Variants in MINK1 observed in about 807,000 individuals in gnomAD.
MINK1 encodes misshapen-like kinase 1.
MINK1 carries 46 observed loss-of-function variants against 178.4 expected under a neutral mutation model. The observed-to-expected ratio is 0.26, with a 90% confidence interval of 0.20 to 0.33. The LOEUF is 0.33. Among genes scored for constraint, MINK1 ranks in the 10% least tolerant of loss-of-function variants. The pLI, the probability that MINK1 is intolerant of heterozygous loss-of-function variation, is 1.00. For synonymous variants in MINK1, 797 were observed against 709.7 expected (o/e 1.12, Z -1.96); for missense variants, 1,366 against 1,814.9 (o/e 0.75, Z 4.49).
chr17:4,846,978 T>G (rs941434114), intron 1 of MINK1, among the ~76,000 whole-genome samples: 2 of 152,198 alleles, frequency 1.3e-5, no homozygotes, highest in Non-Finnish European at 2.9e-5. Flanking sequence ...TTGGTCAGTG[T>G]GGAGTCCAAA....
intron 1 of MINK1, among the ~76,000 whole-genome samples, chr17:4,877,017 G>C (rs1028978388): frequency 2.6e-5 from 4 of 151,904 alleles, no homozygotes; most frequent in Non-Finnish European, 5.9e-5. Flanking sequence ...GAGCCCAGGA[G>C]ACTGAGGCTG....
intron 1 of MINK1, chr17:4,868,932 T>G (rs1035754775): frequency 9.9e-6 from 2 of 201,526 alleles, no homozygotes; most frequent in Admixed American, 1.2e-4. Flanking sequence ...TATTTATTTA[T>G]TTATTTTTTG....
intron 1 of MINK1, among the ~76,000 whole-genome samples, chr17:4,845,847 G>A (rs956532067): frequency 6.6e-6 from 1 of 152,152 alleles, no homozygotes; most frequent in East Asian, 1.9e-4. Flanking sequence ...TTACTGTGGT[G>A]GCCAGGCTGG....
Position 4,886,122 on chromosome 17 carries a change from C to G in MINK1, c.697C>G (p.Leu233Val). 2 of 1,613,942 alleles carry G rather than the reference C, an allele frequency of 1.2e-6. No homozygotes were observed. The highest frequency in any genetic ancestry group is 1.1e-5 in the South Asian group (1 of 91,084). The change falls in exon 9 of 32, where the codon CTG becomes GTG. Residue 233 changes from leucine to valine, a missense_variant and splice_region_variant. Coordinates refer to ENST00000355280, the MANE Select transcript of MINK1 (RefSeq NM_153827.5). This position sits in a 1 kb window ranked among gnomAD's most constrained non-coding sequence, Gnocchi z 6.1. ...GAGGGTGTCTCCTCTGTGTCCAGCT[C>G]TGTGTGACATGCACCCCATGCGAGC... ...AIEMAEGAPP[L>V]CDMHPMRALF...
intron 2 of MINK1, among the ~76,000 whole-genome samples, chr17:4,880,044 C>T (rs1967550930): frequency 6.6e-6 from 1 of 152,156 alleles, no homozygotes; most frequent in Non-Finnish European, 1.5e-5. Context: ...ATCTTTCACG[C>T]CCTGCTCTAA....
rs937505456 is a variant in MINK1, at chr17:4,890,453, C to T, written c.1348-64C>T. The T allele has an allele frequency of 7.9e-6, 12 of 1,527,270 alleles. No homozygotes were observed. In the African/African-American group the frequency reaches 1.7e-4, roughly 21 times the overall value. 94.6% of individuals were successfully genotyped at this position (1,527,270 alleles called of 1,614,324 possible). A position where few individuals can be genotyped will look rare whatever the true frequency, so the allele number is the denominator to read the frequency against. ...CTAGGCAGTTGGAGAAAAGAGAGGG[C>T]ATGCCTGCTCTAACTCCCAGGGCCA... On this transcript the variant is annotated intron_variant, in intron 13 of 31. Transcript: ENST00000355280.
In MINK1 at chr17:4,891,507, C is replaced by T. The variant is rs200245118; in HGVS notation, c.1792C>T (p.Arg598Ter). ...GAAGCCATATGCAGCACCTGTACCC[C>T]GATCCCAGTCCCTGCAGGACCAGCC... ...PLKPYAAPVP[R>*]SQSLQDQPTR... Residue 598 changes from arginine (R) to a stop codon, truncating the protein, a stop_gained, in exon 16 of 32, where the codon CGA (arginine) becomes TGA (stop). Coordinates refer to ENST00000355280, the MANE Select transcript of MINK1 (RefSeq NM_153827.5). LOFTEE classifies it high-confidence loss of function. The T allele has an allele frequency of 2.5e-6, 4 of 1,611,188 alleles. No homozygotes were observed. Among genetic ancestry groups the T allele is most frequent in the East Asian group, 2.2e-5 (1 of 44,832 alleles).
In MINK1 at chr17:4,894,002, C is replaced by A; in HGVS notation, c.2579C>A (p.Thr860Lys). 1 of 1,585,684 alleles carries A rather than the reference C, an allele frequency of 6.3e-7. No individual in the cohort carries two copies. The highest frequency in any genetic ancestry group is 8.6e-7 in the Non-Finnish European group (1 of 1,166,082). Residue 860 changes from threonine (T) to lysine (K), a missense_variant, in exon 22 of 32, where the codon ACA (threonine) becomes AAA (lysine). By Grantham distance (78) the Thr-to-Lys change is moderately conservative. This residue lies in a region of MINK1 where 709 missense variants were observed against 692.3 expected (regional missense o/e 1.02). Coordinates refer to ENST00000355280, the MANE Select transcript of MINK1 (RefSeq NM_153827.5). This position sits in a 1 kb window ranked among gnomAD's most constrained non-coding sequence, Gnocchi z 4.1. ...CTCTCTCACAGCAGCGATGGGGATA[C>A]AGACAGCGTCAGCACCATGGTGGTC... ...DTPGGRSDGD[T>K]DSVSTMVVHD... is the part of the protein sequence containing the mutation.
In MINK1 at chr17:4,894,927, C is replaced by G. The variant is rs1597586763; in HGVS notation, c.2918-148C>G. 2.3e-6 allele frequency: 2 copies of G among 860,074 alleles called. No individual in the cohort carries two copies. The highest frequency in any genetic ancestry group is 1.7e-5 in the South Asian group (1 of 58,880). The allele number at this position is 860,074 out of a possible 1,614,324, so 53.3% of individuals were successfully genotyped here. The stretch of plus-strand genomic sequence containing the variant: ...TTGACTCCAAGTCCAGCACTCTATC[C>G]CCCTCTCCCATGCACCTCCTCTCCT... On this transcript the variant is annotated intron_variant, in intron 24 of 31. Coordinates refer to ENST00000355280, the MANE Select transcript of MINK1 (RefSeq NM_153827.5). The surrounding 1 kb of genome is among the most constrained non-coding windows in gnomAD (Gnocchi z 4.1).
chr17:4,834,083 C>G (rs1470977725), intron 1 of MINK1, among the ~76,000 whole-genome samples: 1 of 152,138 alleles, frequency 6.6e-6, no homozygotes, highest in Non-Finnish European at 1.5e-5. Flanking sequence ...GCAACTGTCT[C>G]GACAGCCTCT....
chr17:4,878,672 G>C lies in MINK1; in HGVS notation c.123+290G>C, dbSNP rs191088370. Among the ~76,000 whole-genome samples the C allele has an allele frequency of 1.3e-3, 200 of 152,322 alleles. 1 individual carries two copies. The highest frequency in any genetic ancestry group is 4.6e-3 in the African/African-American group (192 of 41,568). On this transcript the variant is annotated intron_variant, in intron 2 of 31. Coordinates refer to ENST00000355280, the MANE Select transcript of MINK1 (RefSeq NM_153827.5). ...AGCAGGTGGAAGGGCATACGGCCTT[G>C]TGTGTCAGAACTCTCCTGGGATTCA...
rs1444108646 is a variant in MINK1, at chr17:4,887,940, C to T, written c.1230+150C>T. On this transcript the variant is annotated intron_variant, in intron 12 of 31. Transcript: ENST00000355280. This position sits in a 1 kb window ranked among gnomAD's most constrained non-coding sequence, Gnocchi z 7.6. The stretch of plus-strand genomic sequence containing the variant: ...ATATGATTTCAAATTTCATGATGAG[C>T]TGGACTTAACACAAAATGTAATCCC... 3 of 698,478 alleles carry T rather than the reference C, an allele frequency of 4.3e-6. No individual in the cohort carries two copies. The East Asian group carries it at 9.3e-5, about 22-fold the overall frequency. The allele number at this position is 698,478 out of a possible 1,614,324, so 43.3% of individuals were successfully genotyped here.
In MINK1 at chr17:4,894,164, T is replaced by C; in HGVS notation, c.2671-10T>C. On this transcript the variant is annotated splice_polypyrimidine_tract_variant and intron_variant, in intron 22 of 31. Coordinates refer to ENST00000355280, the MANE Select transcript of MINK1 (RefSeq NM_153827.5). The surrounding 1 kb of genome is among the most constrained non-coding windows in gnomAD (Gnocchi z 4.1). ...TCAGCCCCACGCCAACCCTGCCCTC[T>C]GTCCTGTAGACCCCTGAAGAGGAGC... The C allele has an allele frequency of 2.5e-6, 4 of 1,613,506 alleles. No homozygotes were observed. In the South Asian group the frequency reaches 4.4e-5, roughly 18 times the overall value.
intron 1 of MINK1, among the ~76,000 whole-genome samples, chr17:4,875,842 T>A (rs543564069): frequency 6.6e-6 from 1 of 150,814 alleles, no homozygotes; most frequent in African/African-American, 2.4e-5. Flanking sequence ...GTCGCTTTGG[T>A]TGGAGTGCAG....
At chr17:4,846,756 GA>G (rs1181557627) in intron 1 of MINK1, among the ~76,000 whole-genome samples, 1 of 152,100 alleles carries the variant, frequency 6.6e-6, no homozygotes, top group African/African-American at 2.4e-5. Flanking sequence ...CTGTAGCCTT[GA>G]ACTCCTGGCC....
At chr17:4,849,444 C>T (rs1034579283) in intron 1 of MINK1, among the ~76,000 whole-genome samples, 6 of 152,146 alleles carry the variant, frequency 3.9e-5, no homozygotes, top group African/African-American at 1.2e-4. Flanking sequence ...GAAGGCTGGG[C>T]GGCTCAGGAT....
In MINK1 at chr17:4,890,951, G is replaced by A. The variant is rs1463163946; in HGVS notation, c.1567G>A (p.Val523Ile). Residue 523 changes from valine (V) to isoleucine (I), a missense_variant and splice_region_variant, in exon 15 of 32, where the codon GTA (valine) becomes ATA (isoleucine). Transcript: ENST00000355280. ...PADKPAWAREVEERTRMNKQQ... is the reference protein window; with the variant it reads ...PADKPAWAREIEERTRMNKQQ... ...TGCTTGACATCCCTTCACATCACAG[G>A]TAGAAGAGAGAACAAGGATGAACAA... 1 of 1,554,560 alleles carries A rather than the reference G, an allele frequency of 6.4e-7. No individual in the cohort carries two copies.
Position 4,885,843 on chromosome 17 carries a change from T to TG in MINK1, c.640-65dup. 1 of 1,565,102 alleles carries TG rather than the reference T, an allele frequency of 6.4e-7. No homozygotes were observed. Among genetic ancestry groups the TG allele is most frequent in the Admixed American group, 1.7e-5 (1 of 57,714 alleles). ...GAAGGCTCCTGAGAGGCCAGGATGG[T>TG]GGGTGAAGAGAGGTTGCAGGGCAGA... On this transcript the variant is annotated intron_variant, in intron 7 of 31. Coordinates refer to ENST00000355280, the MANE Select transcript of MINK1 (RefSeq NM_153827.5). The surrounding 1 kb of genome is among the most constrained non-coding windows in gnomAD (Gnocchi z 5.0).
intron 1 of MINK1, among the ~76,000 whole-genome samples, chr17:4,878,112 T>A (rs562710363): frequency 6.6e-6 from 1 of 152,204 alleles, no homozygotes; most frequent in South Asian, 2.1e-4. Flanking sequence ...GCCCGGCCAC[T>A]CACTTCTTCC....
Sources: gnomAD v4.1 joint callset for allele counts (sites outside exome capture counted in the v4.1 genomes callset) on GRCh38, gnomAD v4.1.1 for gene constraint, gnomAD v4.1.1 regional missense constraint, Gnocchi (gnomAD v3.1) non-coding constraint, MANE v1.5 for transcripts, NCBI Gene and HGNC (gene_info 2026-07-23, HGNC 2026-07-21) for gene names.